PAFAH1B1: variants seen among roughly 807,000 people sequenced by gnomAD.
PAFAH1B1 encodes platelet activating factor acetylhydrolase 1b regulatory subunit 1.
PAFAH1B1 carries 2 observed loss-of-function variants against 57.5 expected under a neutral mutation model. The observed-to-expected ratio is 0.03, with a 90% CI of 0.01 to 0.11. The LOEUF (loss-of-function observed/expected upper bound fraction) is 0.11. Among genes scored for constraint, PAFAH1B1 ranks in the 10% least tolerant of loss-of-function variants. The pLI, the probability that PAFAH1B1 is intolerant of heterozygous loss-of-function variation, is 1.00. For synonymous variants in PAFAH1B1, 152 were observed against 169.6 expected (o/e 0.90, Z 0.81); for missense variants, 257 against 512.0 (o/e 0.50, Z 4.81).
intron 1 of PAFAH1B1, among the ~76,000 whole-genome samples, chr17:2,627,843 G>A (rs897299060): frequency 1.3e-5 from 2 of 152,068 alleles, no homozygotes; most frequent in African/African-American, 4.8e-5. Context: ...TGTGGCTATT[G>A]TAAAAGGGGT....
intron 2 of PAFAH1B1, among the ~76,000 whole-genome samples, chr17:2,664,279 G>A (rs944651405): frequency 2.6e-5 from 4 of 152,140 alleles, no homozygotes; most frequent in Admixed American, 2.0e-4. Context: ...TTTCGCTGTT[G>A]TTGCCTAGGC....
intron 1 of PAFAH1B1, among the ~76,000 whole-genome samples, chr17:2,595,304 G>T (rs1044525894): frequency 6.7e-6 from 1 of 149,182 alleles, no homozygotes. Flanking sequence ...TGTTTTTGTT[G>T]GGGGGGTGGG....
intron 9 of PAFAH1B1, chr17:2,679,594 A>G (rs1381216293): frequency 3.0e-5 from 4 of 134,226 alleles, no homozygotes; most frequent in Non-Finnish European, 5.0e-5. Context: ...GGATAGATAG[A>G]TGGGTGGGTG....
At chr17:2,638,461 T>G in intron 2 of PAFAH1B1, 141 bp downstream of exon 2, 1 of 703,930 alleles carries the variant, frequency 1.4e-6, no homozygotes, top group Non-Finnish European at 2.5e-6. Flanking sequence ...GGCAGTTTGG[T>G]CTGATTTTAA....
chr17:2,681,576 A>G (rs773857822), intron 10 of PAFAH1B1, 153 bp from the exon 11 acceptor site: 2 of 629,984 alleles, frequency 3.2e-6, no homozygotes, highest in Non-Finnish European at 5.7e-6. Context: ...ACAGTTCTGC[A>G]TCAGTCTCCC....
intron 1 of PAFAH1B1, among the ~76,000 whole-genome samples, chr17:2,626,259 A>G (rs12946581): frequency 0.28 from 42,712 of 151,920 alleles, 6,157 homozygotes; most frequent in Middle Eastern, 0.35. Context: ...CTCAAAAAAA[A>G]AAAAAATTAT....
Position 2,623,261 on chromosome 17 carries a change from C to CT in PAFAH1B1, c.-190-14816dup, listed in dbSNP as rs376810275. Among the ~76,000 whole-genome samples, 889 of 103,942 alleles carry CT rather than the reference C, an allele frequency of 8.6e-3. 11 individuals carry two copies. Among genetic ancestry groups the CT allele is most frequent in the East Asian group, 0.046 (163 of 3,548 alleles). The allele number at this position is 103,942 out of a possible 152,430, so 68.2% of individuals were successfully genotyped here. ...TCCCCAGAAAATGGGTTTTTCCTTT[C>CT]TTTTTTTTTTTTTTTTTTTTTTCCC... is the stretch of plus-strand genomic sequence containing the variant. On this transcript the variant is annotated intron_variant, in intron 1 of 10. Transcript: ENST00000397195.
At chr17:2,671,189 C>G (rs1419815866) in intron 6 of PAFAH1B1, among the ~76,000 whole-genome samples, 4 of 151,896 alleles carry the variant, frequency 2.6e-5, no homozygotes, top group African/African-American at 9.7e-5. Flanking sequence ...CGCATGAACA[C>G]TGTTTTTTTG....
chr17:2,602,949 C>T (rs1420718119), intron 1 of PAFAH1B1, among the ~76,000 whole-genome samples: 3 of 152,172 alleles, frequency 2.0e-5, no homozygotes, highest in Admixed American at 6.6e-5. Context: ...CTCCCTCTTT[C>T]CTATAGTCCA....
chr17:2,656,014 C>G (rs1047957597), intron 2 of PAFAH1B1, among the ~76,000 whole-genome samples: 1 of 152,076 alleles, frequency 6.6e-6, no homozygotes, highest in Non-Finnish European at 1.5e-5. Context: ...ACCTCCGCCC[C>G]TGGGTTCAAG....
At chr17:2,608,453 T>C (rs2068230282) in intron 1 of PAFAH1B1, among the ~76,000 whole-genome samples, 1 of 152,192 alleles carries the variant, frequency 6.6e-6, no homozygotes, top group South Asian at 2.1e-4. Context: ...CTTTTTACTA[T>C]TACAGACAAT....
At position 2,684,262 on chromosome 17, in the gene PAFAH1B1, G is replaced by C. The variant is rs2069434509; in HGVS notation, c.*2460G>C. 1 of 152,704 alleles carries C rather than the reference G, an allele frequency of 6.5e-6. No individual in the cohort carries two copies. The highest frequency in any genetic ancestry group is 1.5e-5 in the Non-Finnish European group (1 of 68,118). The allele number at this position is 152,704 out of a possible 1,614,324, so 9.5% of individuals were successfully genotyped here. A position where few individuals can be genotyped will look rare whatever the true frequency, so the allele number is the denominator to read the frequency against. On this transcript the variant is annotated 3_prime_UTR_variant, in exon 11 of 11. Coordinates refer to ENST00000397195, the MANE Select transcript of PAFAH1B1 (RefSeq NM_000430.4). The stretch of plus-strand genomic sequence containing the variant: ...CCGTCTACAACCTGGAATCAGATTT[G>C]CAAAATTTCCTGCACTGCTGTCTGA...
At position 2,605,903 on chromosome 17, in the gene PAFAH1B1, G is replaced by T. The variant is rs74920668; in HGVS notation, c.-191+11897G>T. Among the ~76,000 whole-genome samples, 1,252 of 152,236 alleles carry T rather than the reference G, an allele frequency of 8.2e-3. 18 individuals carry two copies. The highest frequency in any genetic ancestry group is 0.029 in the African/African-American group (1,198 of 41,538). On this transcript the variant is annotated intron_variant, in intron 1 of 10. Transcript: ENST00000397195. ...TGATGATTAAGATGAGGTGACCTTT[G>T]CTTTCTGCTTTCTTGTGATGGCAAA...
At chr17:2,616,260 G>A (rs946260830) in intron 1 of PAFAH1B1, among the ~76,000 whole-genome samples, 5 of 152,138 alleles carry the variant, frequency 3.3e-5, no homozygotes, top group African/African-American at 1.2e-4. Flanking sequence ...ATTAATAACG[G>A]TTCTATATTA....
At position 2,683,125 on chromosome 17, in the gene PAFAH1B1, A is replaced by G. The variant is rs1433333094; in HGVS notation, c.*1323A>G. The G allele has an allele frequency of 6.6e-6, 1 of 152,212 alleles. No homozygotes were observed. The allele number at this position is 152,212 out of a possible 1,614,324, so 9.4% of individuals were successfully genotyped here. A position where few individuals can be genotyped will look rare whatever the true frequency, so the allele number is the denominator to read the frequency against. On this transcript the variant is annotated 3_prime_UTR_variant, in exon 11 of 11. Coordinates refer to ENST00000397195, the MANE Select transcript of PAFAH1B1 (RefSeq NM_000430.4). Reference sequence around the variant, plus strand: ...GGGGATTTTTTTCCAGCCGAAGGAAAATCACTTCCGTTATGTCCCCCTCTA... The same window carrying G: ...GGGGATTTTTTTCCAGCCGAAGGAAGATCACTTCCGTTATGTCCCCCTCTA...
At chr17:2,633,275 C>T (rs2068578399) in intron 1 of PAFAH1B1, among the ~76,000 whole-genome samples, 1 of 151,478 alleles carries the variant, frequency 6.6e-6, no homozygotes, top group African/African-American at 2.4e-5. Flanking sequence ...TCCAGCACTT[C>T]TCCTCCCTCA....
At chr17:2,664,665 G>GCGCGCTCTCGCTCTCTCTCTCTCTCT in intron 2 of PAFAH1B1, among the ~76,000 whole-genome samples, 3 of 86,028 alleles carry the variant, frequency 3.5e-5, no homozygotes, top group Admixed American at 1.2e-4. Context: ...TCTATCTATC[G>GCGCGCTCTCGCTCTCTCTCTCTCTCT]CTCTCTCTCT....
intron 2 of PAFAH1B1, among the ~76,000 whole-genome samples, chr17:2,648,167 A>G (rs1490157257): frequency 3.3e-5 from 5 of 152,064 alleles, no homozygotes; most frequent in Admixed American, 1.3e-4. Context: ...GTGAAGGGGG[A>G]AGCCCCTTAT....
At chr17:2,649,952 T>TA (rs2068826086) in intron 2 of PAFAH1B1, among the ~76,000 whole-genome samples, 1 of 152,172 alleles carries the variant, frequency 6.6e-6, no homozygotes, top group Non-Finnish European at 1.5e-5. Flanking sequence ...GTTGAACACA[T>TA]ACAGAATAAC....
Sources: allele counts gnomAD v4.1 joint callset (sites outside exome capture counted in the v4.1 genomes callset), GRCh38; gene constraint gnomAD v4.1.1; transcripts MANE v1.5; gene names NCBI Gene and HGNC (gene_info 2026-07-23, HGNC 2026-07-21).